Variants in RBFOX3 observed in about 807,000 individuals in gnomAD.
The protein encoded by RBFOX3 is RNA binding protein fox-1 homolog 3.
A neutral mutation model predicts 48.7 loss-of-function variants in RBFOX3; 17 were observed. The observed-to-expected ratio is 0.35, with a 90% CI of 0.24 to 0.52. The LOEUF (loss-of-function observed/expected upper bound fraction) is 0.52, where lower values mean the gene tolerates loss of function less well. Ranked by LOEUF, RBFOX3 falls within the 20% of genes least tolerant of loss-of-function variation. RBFOX3 has a pLI of 0.94. For missense variants in RBFOX3, 382 were observed against 497.5 expected (o/e 0.77, Z 2.21); for synonymous variants, 212 against 209.5 (o/e 1.01, Z -0.10).
intron 3 of RBFOX3, among the ~76,000 whole-genome samples, chr17:79,269,591 G>A (rs1600320667): frequency 1.3e-5 from 2 of 151,436 alleles, no homozygotes; most frequent in Middle Eastern, 3.4e-3. Flanking sequence ...CCTGGGGATC[G>A]TCCCATCCAC....
intron 3 of RBFOX3, among the ~76,000 whole-genome samples, chr17:79,289,184 C>G (rs183208024): frequency 2.0e-4 from 31 of 152,356 alleles, no homozygotes; most frequent in Admixed American, 1.4e-3. Flanking sequence ...ACGTTCCGCA[C>G]AGCCTCTGCC....
intron 1 of RBFOX3, among the ~76,000 whole-genome samples, chr17:79,521,713 A>T (rs2086132503): frequency 6.6e-6 from 1 of 152,194 alleles, no homozygotes; most frequent in Non-Finnish European, 1.5e-5. Context: ...AGACACACTT[A>T]TACATTCACA....
chr17:79,641,254 T>C, the RBFOX3 span, among the ~76,000 whole-genome samples: 142,851 of 151,958 alleles, frequency 0.94, 67,412 homozygotes, highest in Non-Finnish European at 1. Flanking sequence ...AGTTAGATAT[T>C]CCCTCACACT....
At chr17:79,657,586 G>A in the RBFOX3 span, among the ~76,000 whole-genome samples, 5 of 152,194 alleles carry the variant, frequency 3.3e-5, no homozygotes, top group East Asian at 7.7e-4. Context: ...GGCTGAGGCA[G>A]GAGAATCGCT....
Position 79,477,732 on chromosome 17 carries a change from A to G in RBFOX3, c.-175+4722T>C, listed in dbSNP as rs2078146972. 6.6e-6 allele frequency among the ~76,000 whole-genome samples: 1 copy of G among 152,162 alleles called. No individual in the cohort carries two copies. The highest frequency in any genetic ancestry group is 2.1e-4 in the South Asian group (1 of 4,828). ...GAATTAGGCAGGATCAGAATGAGGG[A>G]CTGAAGTGGCTGAGCCTGGCATCCT... On this transcript the variant is annotated intron_variant, in intron 2 of 14. Coordinates refer to ENST00000693108, the MANE Select transcript of RBFOX3 (RefSeq NM_001350451.2). The surrounding 1 kb of genome is among the most constrained non-coding windows in gnomAD (Gnocchi z 4.8).
chr17:79,395,784 A>G (rs1312659126), intron 2 of RBFOX3, among the ~76,000 whole-genome samples: 1 of 152,252 alleles, frequency 6.6e-6, no homozygotes. Flanking sequence ...CCAGGAGCCC[A>G]TCACGTCAGC....
chr17:79,607,421 C>T (rs1442861701), intron 1 of RBFOX3, among the ~76,000 whole-genome samples: 1 of 152,092 alleles, frequency 6.6e-6, no homozygotes, highest in African/African-American at 2.4e-5. Flanking sequence ...AGGAGGGAAG[C>T]CCCACCCTGC....
chr17:79,231,820 A>G (rs915146045), intron 4 of RBFOX3, among the ~76,000 whole-genome samples: 3 of 152,240 alleles, frequency 2.0e-5, no homozygotes, highest in African/African-American at 7.2e-5. Context: ...TACCTTGTTT[A>G]TGAGTCAGAA....
chr17:79,207,329 T>C (rs2057645422), intron 4 of RBFOX3, among the ~76,000 whole-genome samples: 1 of 152,240 alleles, frequency 6.6e-6, no homozygotes, highest in Non-Finnish European at 1.5e-5. Context: ...TTCCTCTCCA[T>C]GTGCCCAAAC....
the RBFOX3 span, among the ~76,000 whole-genome samples, chr17:79,622,137 A>T: frequency 6.8e-6 from 1 of 146,520 alleles, no homozygotes; most frequent in Non-Finnish European, 1.5e-5. Flanking sequence ...AGCCATGCAC[A>T]TGTTACTAGG....
chr17:79,493,146 A>G (rs111337219), intron 1 of RBFOX3, among the ~76,000 whole-genome samples: 29,838 of 151,900 alleles, frequency 0.2, 3,150 homozygotes, highest in Middle Eastern at 0.24. Context: ...GAGGCGTATC[A>G]CACGGCAAGA....
At chr17:79,500,877 C>T (rs1276805821) in intron 1 of RBFOX3, among the ~76,000 whole-genome samples, 1 of 152,162 alleles carries the variant, frequency 6.6e-6, no homozygotes, top group Non-Finnish European at 1.5e-5. Context: ...GCTAGGGACA[C>T]GTTTGCTTGT....
At chr17:79,329,945 T>A (rs570905063) in intron 2 of RBFOX3, among the ~76,000 whole-genome samples, 44 of 152,214 alleles carry the variant, frequency 2.9e-4, no homozygotes, top group Non-Finnish European at 5.6e-4. Context: ...AAGAAATCAC[T>A]CATCCCAGGA....
At chr17:79,620,337 A>AGACATGCACGCACACG in the RBFOX3 span, among the ~76,000 whole-genome samples, 1 of 148,116 alleles carries the variant, frequency 6.8e-6, no homozygotes, top group African/African-American at 2.5e-5. Context: ...GCACGCACAC[A>AGACATGCACGCACACG]GACATGCACA....
chr17:79,542,161 A>G (rs975490563), intron 1 of RBFOX3, among the ~76,000 whole-genome samples: 54 of 151,856 alleles, frequency 3.6e-4, no homozygotes, highest in African/African-American at 1.2e-3. Flanking sequence ...TATTTTTTCA[A>G]TGGATATTTA....
At chr17:79,200,304 T>C (rs1184685363) in intron 4 of RBFOX3, among the ~76,000 whole-genome samples, 2 of 152,210 alleles carry the variant, frequency 1.3e-5, no homozygotes, top group African/African-American at 4.8e-5. Flanking sequence ...ACAAACCCTC[T>C]TCACCACAGC....
intron 1 of RBFOX3, among the ~76,000 whole-genome samples, chr17:79,533,963 C>T (rs1371864299): frequency 2.6e-5 from 4 of 152,226 alleles, no homozygotes; most frequent in Admixed American, 6.5e-5. Flanking sequence ...TCATACTGTA[C>T]ATTCCATTTT....
At chr17:79,170,484 G>T (rs1331385602) in intron 4 of RBFOX3, among the ~76,000 whole-genome samples, 2 of 152,112 alleles carry the variant, frequency 1.3e-5, no homozygotes, top group Non-Finnish European at 2.9e-5. Context: ...GAGGGCTGGG[G>T]GGGCAAGGCC....
At chr17:79,130,676 C>T (rs894058653) in intron 4 of RBFOX3, among the ~76,000 whole-genome samples, 1 of 152,268 alleles carries the variant, frequency 6.6e-6, no homozygotes, top group African/African-American at 2.4e-5. Context: ...CGGCATGCAG[C>T]CTGCTCTCCA....
Sources: gnomAD v4.1 joint callset for allele counts (sites outside exome capture counted in the v4.1 genomes callset) on GRCh38, gnomAD v4.1.1 for gene constraint, Gnocchi (gnomAD v3.1) non-coding constraint, MANE v1.5 for transcripts, NCBI Gene and HGNC (gene_info 2026-07-23, HGNC 2026-07-21) for gene names.